The following PPHLN1 variants were observed in gnomAD, a reference collection of about 807,000 sequenced individuals.
PPHLN1 encodes the protein periphilin-1.
Under a neutral mutation model 51.3 loss-of-function variants are expected in PPHLN1, and 29 were observed. The ratio of observed to expected loss-of-function variants is 0.57; its 90% CI spans 0.42 to 0.77. The LOEUF is 0.77. Ranked by LOEUF, PPHLN1 falls within the 30% of genes least tolerant of loss-of-function variation. The pLI, the probability that PPHLN1 is intolerant of heterozygous loss-of-function variation, is 0.00. For synonymous variants in PPHLN1, 147 were observed against 147.8 expected, an observed-to-expected ratio of 0.99 and a Z score of 0.04; for missense variants, 436 against 438.4, an observed-to-expected ratio of 0.99 and a Z score of 0.05.
At chr12:42,405,561 C>T (rs938198438) in intron 9 of PPHLN1, among the ~76,000 whole-genome samples, 2 of 152,174 alleles carry the variant, frequency 1.3e-5, no homozygotes, top group Admixed American at 6.5e-5. Context: ...TCTTTCCTTA[C>T]TCTTCCTCTT....
downstream of PPHLN1, chr12:42,442,544 A>C (rs1593060651): frequency 6.6e-7 from 1 of 1,523,704 alleles, no homozygotes. Context: ...TCAGGACTGC[A>C]CTCTCTTTTG....
intron 4 of PPHLN1, among the ~76,000 whole-genome samples, chr12:42,374,009 A>C (rs2076024600): frequency 6.6e-6 from 1 of 152,136 alleles, no homozygotes; most frequent in African/African-American, 2.4e-5. Context: ...CCTGGTCCCT[A>C]CCCATCAATG....
At chr12:42,372,010 T>G (rs1386933492) in intron 4 of PPHLN1, among the ~76,000 whole-genome samples, 1 of 152,150 alleles carries the variant, frequency 6.6e-6, no homozygotes, top group East Asian at 1.9e-4. Flanking sequence ...CCAGCCTTCT[T>G]AAACATTTGG....
intron 8 of PPHLN1, among the ~76,000 whole-genome samples, chr12:42,394,645 G>A (rs377165274): frequency 1.3e-5 from 2 of 151,960 alleles, no homozygotes; most frequent in Non-Finnish European, 2.9e-5. Flanking sequence ...TTTAGATATC[G>A]ATTGTTCTTA....
intron 9 of PPHLN1, among the ~76,000 whole-genome samples, chr12:42,411,915 A>AAAG (rs1390992169): frequency 6.9e-6 from 1 of 145,812 alleles, no homozygotes; most frequent in Non-Finnish European, 1.5e-5. Flanking sequence ...AAAAAAAAAA[A>AAAG]AAAAAAAAGG....
chr12:42,428,212 A>G (rs1410731836), intron 9 of PPHLN1, among the ~76,000 whole-genome samples: 1 of 152,236 alleles, frequency 6.6e-6, no homozygotes, highest in African/African-American at 2.4e-5. Context: ...GATTCCTTAA[A>G]GAACTAAAAG....
chr12:42,400,757 GTC>G (rs35916281), intron 9 of PPHLN1, among the ~76,000 whole-genome samples: 7 of 140,468 alleles, frequency 5.0e-5, no homozygotes, highest in Admixed American at 1.4e-4. Context: ...GCGAGACCCT[GTC>G]TCTCTCTCTC....
intron 9 of PPHLN1, among the ~76,000 whole-genome samples, chr12:42,427,292 C>T (rs1191873286): frequency 6.6e-6 from 1 of 152,022 alleles, no homozygotes; most frequent in African/African-American, 2.4e-5. Flanking sequence ...AAAATTAATT[C>T]AGTGTTTACA....
At chr12:42,413,725 C>G (rs935306220) in intron 9 of PPHLN1, among the ~76,000 whole-genome samples, 3 of 151,872 alleles carry the variant, frequency 2.0e-5, no homozygotes, top group Non-Finnish European at 4.4e-5. Flanking sequence ...CCACACCCAG[C>G]TAATTTTTGT....
At position 42,335,912 on chromosome 12, in the gene PPHLN1, G is replaced by C. The variant is rs774665941; in HGVS notation, c.10G>C (p.Glu4Gln). The change falls in exon 2 of 10, where the codon GAG (glutamate) becomes CAG (glutamine). Residue 4 changes from glutamate to glutamine, a missense_variant. By Grantham distance (29) the Glu-to-Gln change is conservative (BLOSUM62 2). Transcript: ENST00000358314. MWS[E>Q]GRYEYERIPR... The stretch of plus-strand genomic sequence containing the variant: ...TTACAGAAGAGACGAAATGTGGTCT[G>C]AGGGACGATATGAATATGAAAGAAT... The C allele has an allele frequency of 6.3e-7, 1 of 1,583,950 alleles. No individual in the cohort carries two copies. Among genetic ancestry groups the C allele is most frequent in the East Asian group, 2.3e-5 (1 of 43,386 alleles).
In PPHLN1 at chr12:42,392,105, A is replaced by G. The variant is rs115715776; in HGVS notation, c.649-1465A>G. 4.4e-3 allele frequency among the ~76,000 whole-genome samples: 663 copies of G among 152,204 alleles called. 8 individuals carry two copies. Among genetic ancestry groups the G allele is most frequent in the African/African-American group, 0.015 (637 of 41,508 alleles). ...GGTGTGCGCATTTGTACTGTTAGCT[A>G]CTCGGGAGGCTGAGGTTGGGGAATC... On this transcript the variant is annotated intron_variant, in intron 7 of 9. Coordinates refer to ENST00000358314, the MANE Select transcript of PPHLN1 (RefSeq NM_201439.2).
rs963291522 is a variant in PPHLN1 at position 42,393,544 on chromosome 12, T to C, written c.649-26T>C. 4 of 1,552,132 alleles carry C rather than the reference T, an allele frequency of 2.6e-6. No individual in the cohort carries two copies. The African/African-American group carries it at 4.2e-5, about 16-fold the overall frequency. On this transcript the variant is annotated intron_variant, in intron 7 of 9. Transcript: ENST00000358314. Reference sequence around the variant, plus strand: ...GAAGTTTAAAAGCCCTTGAGAATTGTAACAGAAATGTTCTATTTTTATTAG... The same window carrying C: ...GAAGTTTAAAAGCCCTTGAGAATTGCAACAGAAATGTTCTATTTTTATTAG...
intron 9 of PPHLN1, among the ~76,000 whole-genome samples, chr12:42,418,399 G>C (rs1206427662): frequency 2.0e-5 from 3 of 151,874 alleles, no homozygotes; most frequent in Admixed American, 2.0e-4. Flanking sequence ...GTGTAAACGT[G>C]TTAAATGCAA....
At chr12:42,360,792 C>T (rs61926570) in intron 4 of PPHLN1, among the ~76,000 whole-genome samples, 24,010 of 151,976 alleles carry the variant, frequency 0.16, 1,940 homozygotes, top group Admixed American at 0.2. Flanking sequence ...CGCGCCCAGC[C>T]GCCGAATTCT....
intron 9 of PPHLN1, among the ~76,000 whole-genome samples, chr12:42,433,715 A>AT: frequency 6.6e-6 from 1 of 152,336 alleles, no homozygotes; most frequent in Admixed American, 6.5e-5. Flanking sequence ...GTGGAAGTGG[A>AT]TTATCATAGA....
chr12:42,410,180 G>GT lies in PPHLN1; in HGVS notation c.909+11197dup, dbSNP rs1305847430. Among the ~76,000 whole-genome samples the GT allele has an allele frequency of 4.3e-3, 346 of 79,772 alleles. 1 individual carries two copies. Among genetic ancestry groups the GT allele is most frequent in the African/African-American group, 8.3e-3 (287 of 34,756 alleles). 52.3% of individuals were successfully genotyped at this position (79,772 alleles called of 152,430 possible). Reference sequence around the variant, plus strand: ...ACATACAAATATGTTTTCATTCCATGTTTTTTTTTTTGCAGTACATTCTCT... The same window carrying GT: ...ACATACAAATATGTTTTCATTCCATGTTTTTTTTTTTTGCAGTACATTCTCT... On this transcript the variant is annotated intron_variant, in intron 9 of 9. Coordinates refer to ENST00000358314, the MANE Select transcript of PPHLN1 (RefSeq NM_201439.2).
intron 2 of PPHLN1, among the ~76,000 whole-genome samples, chr12:42,351,136 T>C (rs1157056269): frequency 2.0e-5 from 3 of 152,294 alleles, no homozygotes; most frequent in Middle Eastern, 6.8e-3. Flanking sequence ...TGATGTGTCA[T>C]GAATGCCCAA....
chr12:42,358,285 T>C (rs2074264218), intron 4 of PPHLN1, among the ~76,000 whole-genome samples: 1 of 152,192 alleles, frequency 6.6e-6, no homozygotes, highest in South Asian at 2.1e-4. Context: ...AATAAAAACA[T>C]ATATATAAAT....
downstream of PPHLN1, chr12:42,446,763 G>A: frequency 4.8e-6 from 5 of 1,050,636 alleles, no homozygotes; most frequent in Non-Finnish European, 6.6e-6. Flanking sequence ...GGAAGGTCGG[G>A]AGGTTTTCCA....
Sources: gnomAD v4.1 joint callset for allele counts (sites outside exome capture counted in the v4.1 genomes callset) on GRCh38, gnomAD v4.1.1 for gene constraint, MANE v1.5 for transcripts, NCBI Gene and HGNC (gene_info 2026-07-23, HGNC 2026-07-21) for gene names.